Variants in WWOX observed in about 807,000 individuals in gnomAD.
The protein encoded by WWOX is WW domain containing oxidoreductase.
A neutral mutation model predicts 46.2 loss-of-function variants in WWOX; 69 were observed. The observed-to-expected ratio is 1.49, with a 90% CI of 1.23 to 1.82. The LOEUF is 1.82. WWOX is among the 40% of genes most tolerant of loss of function. The pLI is 0.00. For synonymous variants in WWOX, 359 were observed against 202.6 expected (o/e 1.77, Z -6.56); for missense variants, 919 against 542.6 (o/e 1.69, Z -6.89).
chr16:78,969,091 A>G (rs2046419537), intron 8 of WWOX, among the ~76,000 whole-genome samples: 1 of 151,974 alleles, frequency 6.6e-6, no homozygotes, highest in South Asian at 2.1e-4. Context: ...CTGGCGTATA[A>G]TTGTGGGAGG....
In WWOX at chr16:78,412,935, T is replaced by C. The variant is rs73571068; in HGVS notation, c.606-11935T>C. ...TTCTCTTCCCAGCCCTTGTCTTTTT[T>C]ACCCTCTTTGTTTTCTGCATTTCTT... is the stretch of plus-strand genomic sequence containing the variant. On this transcript the variant is annotated intron_variant, in intron 6 of 8. Transcript: ENST00000566780. Among the ~76,000 whole-genome samples the C allele has an allele frequency of 9.9e-3, 1,501 of 152,320 alleles. 23 individuals carry two copies. Among genetic ancestry groups the C allele is most frequent in the African/African-American group, 0.033 (1,364 of 41,572 alleles).
rs560857178 is a variant in WWOX at position 79,019,009 on chromosome 16, C to T, written c.1057-192599C>T. Among the ~76,000 whole-genome samples, 15 of 150,924 alleles carry T rather than the reference C, an allele frequency of 9.9e-5. No homozygotes were observed. In the East Asian group the frequency reaches 1.8e-3, roughly 18 times the overall value. ...CTACAAAAAATTTTAAAAATTTAGC[C>T]GGGCAGGCATGGTGGCTCATGCCTG... On this transcript the variant is annotated intron_variant, in intron 8 of 8. Transcript: ENST00000566780.
At chr16:79,083,555 T>C (rs2048800597) in intron 8 of WWOX, among the ~76,000 whole-genome samples, 1 of 152,224 alleles carries the variant, frequency 6.6e-6, no homozygotes, top group African/African-American at 2.4e-5. Context: ...ACCAGTGTTG[T>C]TTTATTCATC....
chr16:78,381,853 G>A (rs1009881151), intron 5 of WWOX, among the ~76,000 whole-genome samples: 4 of 151,960 alleles, frequency 2.6e-5, no homozygotes, highest in African/African-American at 7.2e-5. Flanking sequence ...TTTATTTTAC[G>A]GTGGTGGGAT....
intron 8 of WWOX, among the ~76,000 whole-genome samples, chr16:79,048,320 C>T (rs532181481): frequency 2.0e-5 from 3 of 152,110 alleles, no homozygotes; most frequent in South Asian, 2.1e-4. Flanking sequence ...GGGGCCCCAG[C>T]CCTCCAGCCC....
intron 8 of WWOX, among the ~76,000 whole-genome samples, chr16:79,160,146 G>C (rs144201755): frequency 1.3e-4 from 20 of 152,318 alleles, no homozygotes; most frequent in African/African-American, 4.1e-4. Context: ...TGGGTGCCAC[G>C]TGAGGCCGAG....
intron 8 of WWOX, among the ~76,000 whole-genome samples, chr16:78,628,715 A>T (rs1468427016): frequency 6.6e-6 from 1 of 152,120 alleles, no homozygotes; most frequent in Non-Finnish European, 1.5e-5. Context: ...ATGGAATTTC[A>T]CTGTTTTAAA....
intron 5 of WWOX, among the ~76,000 whole-genome samples, chr16:78,359,964 C>G (rs935316328): frequency 2.0e-5 from 3 of 152,118 alleles, no homozygotes; most frequent in African/African-American, 7.2e-5. Context: ...CTTCACTATT[C>G]AATCATTAGA....
At chr16:78,399,622 T>A (rs527459181) in intron 6 of WWOX, among the ~76,000 whole-genome samples, 61 of 152,200 alleles carry the variant, frequency 4.0e-4, no homozygotes, top group Non-Finnish European at 5.9e-4. Context: ...GGCGTCAGGG[T>A]TTCAACATTT....
chr16:78,560,295 C>G (rs895036326), intron 8 of WWOX, among the ~76,000 whole-genome samples: 1 of 152,148 alleles, frequency 6.6e-6, no homozygotes, highest in South Asian at 2.1e-4. Flanking sequence ...AAAACAATTA[C>G]ACTAGCTGCT....
In WWOX at chr16:78,996,372, ACC is replaced by A. The variant is rs1193777245; in HGVS notation, c.1057-215234_1057-215233del. The A allele has an allele frequency of 1.8e-4, 84 of 459,798 alleles. 2 individuals carry two copies. The highest frequency in any genetic ancestry group is 4.3e-4 in the East Asian group (1 of 2,332). 28.5% of individuals were successfully genotyped at this position (459,798 alleles called of 1,614,324 possible). A position where few individuals can be genotyped will look rare whatever the true frequency, so the allele number is the denominator to read the frequency against. On this transcript the variant is annotated intron_variant, in intron 8 of 8. Transcript: ENST00000566780. ...TAGAAAGAGTGTGAGTGAATTCTGC[ACC>A]CACCCCCGCCCCCCAGCTTCCCCAC...
rs59985442 is a variant in WWOX, at chr16:78,510,064, AGTCTGTCTGTCTGTCT to A, written c.1056+77333_1056+77348del. On this transcript the variant is annotated intron_variant, in intron 8 of 8. Transcript: ENST00000566780. ...GCAACAAAGAGAGATCCTGTCTCCA[AGTCTGTCTGTCTGTCT>A]GTCTGTCTGTCTGTCTGTCTCTCTC... Among the ~76,000 whole-genome samples, 34 of 150,380 alleles carry A rather than the reference AGTCTGTCTGTCTGTCT, an allele frequency of 2.3e-4. No homozygotes were observed. The South Asian group carries it at 4.7e-3, about 21-fold the overall frequency.
rs559415941 is a variant in WWOX at position 78,492,207 on chromosome 16, T to G, written c.1056+59455T>G. ...ATTAGGTGACAGTGTGTGCACAGTT[T>G]ATGGAGGATGAAGCGGGAAACCTGA... On this transcript the variant is annotated intron_variant, in intron 8 of 8. Coordinates refer to ENST00000566780, the MANE Select transcript of WWOX (RefSeq NM_016373.4). 8.3e-3 allele frequency among the ~76,000 whole-genome samples: 1,266 copies of G among 152,262 alleles called. 16 individuals are homozygous for G. The highest frequency in any genetic ancestry group is 9.2e-3 in the Non-Finnish European group (624 of 68,030).
intron 5 of WWOX, among the ~76,000 whole-genome samples, chr16:78,209,880 CTTCT>C (rs1234902979): frequency 6.6e-6 from 1 of 151,764 alleles, no homozygotes; most frequent in Admixed American, 6.6e-5. Flanking sequence ...TATAAGTTAC[CTTCT>C]TTCTCTTACA....
rs72794047 is a variant in WWOX, at chr16:78,347,327, A to T, written c.517-39533A>T. Among the ~76,000 whole-genome samples the T allele has an allele frequency of 2.6e-5, 3 of 116,122 alleles. 1 individual carries two copies. Among genetic ancestry groups the T allele is most frequent in the Non-Finnish European group, 6.1e-5 (3 of 49,074 alleles). The allele number at this position is 116,122 out of a possible 152,430, so 76.2% of individuals were successfully genotyped here. ...CATACCCATTCCCAAGATTTCAGTC[A>T]TCAAATCCATTCCAATATGACTCCT... On this transcript the variant is annotated intron_variant, in intron 5 of 8. Coordinates refer to ENST00000566780, the MANE Select transcript of WWOX (RefSeq NM_016373.4).
At chr16:79,001,084 A>G (rs548245430) in intron 8 of WWOX, among the ~76,000 whole-genome samples, 21 of 152,334 alleles carry the variant, frequency 1.4e-4, no homozygotes, top group African/African-American at 5.1e-4. Flanking sequence ...CAGGAGAAAG[A>G]AGGGCAAGGT....
chr16:79,195,042 A>T (rs956281114), intron 8 of WWOX, among the ~76,000 whole-genome samples: 1 of 152,154 alleles, frequency 6.6e-6, no homozygotes, highest in Non-Finnish European at 1.5e-5. Context: ...TGAGAACATT[A>T]TGCATATGGT....
At chr16:78,249,555 T>A (rs975806497) in intron 5 of WWOX, among the ~76,000 whole-genome samples, 1 of 152,118 alleles carries the variant, frequency 6.6e-6, no homozygotes, top group Admixed American at 6.5e-5. Context: ...TGGGCTGAGT[T>A]TTTAATGTGG....
chr16:79,119,369 A>G (rs2049581774), intron 8 of WWOX, among the ~76,000 whole-genome samples: 1 of 152,214 alleles, frequency 6.6e-6, no homozygotes, highest in South Asian at 2.1e-4. Context: ...TTAATGGATG[A>G]CAAGTGGATA....
Sources: allele counts gnomAD v4.1 joint callset (sites outside exome capture counted in the v4.1 genomes callset), GRCh38; gene constraint gnomAD v4.1.1; transcripts MANE v1.5; gene names NCBI Gene and HGNC (gene_info 2026-07-23, HGNC 2026-07-21).